The following ASXL2 variants were observed in gnomAD, a reference collection of about 807,000 sequenced individuals.
The protein encoded by ASXL2 is putative Polycomb group protein ASXL2.
In ASXL2, 23 loss-of-function variants were observed where a neutral mutation model predicts 122.0. The ratio of observed to expected loss-of-function variants is 0.19; its 90% CI spans 0.14 to 0.27. The LOEUF (loss-of-function observed/expected upper bound fraction) is 0.27, where lower values mean the gene tolerates loss of function less well. Among genes scored for constraint, ASXL2 ranks in the 10% least tolerant of loss-of-function variants. The pLI is 1.00. For missense variants in ASXL2, 1,518 were observed against 1,713.8 expected (o/e 0.89, Z 2.02); for synonymous variants, 650 against 637.0 (o/e 1.02, Z -0.31).
At chr2:25,862,600 T>C (rs1335578165) in intron 1 of ASXL2, among the ~76,000 whole-genome samples, 1 of 152,088 alleles carries the variant, frequency 6.6e-6, no homozygotes, top group East Asian at 1.9e-4. Context: ...TGTGGTTTTG[T>C]TTGTTTGTTT....
At chr2:25,827,306 T>C (rs886384611) in intron 3 of ASXL2, among the ~76,000 whole-genome samples, 2 of 152,204 alleles carry the variant, frequency 1.3e-5, no homozygotes, top group African/African-American at 2.4e-5. Context: ...AAATAGATTT[T>C]ATGGCATACT....
At chr2:25,827,178 T>A (rs1366096669) in intron 3 of ASXL2, among the ~76,000 whole-genome samples, 1 of 152,156 alleles carries the variant, frequency 6.6e-6, no homozygotes, top group African/African-American at 2.4e-5. Context: ...ATAGTCATTG[T>A]ATCTACAATC....
At chr2:25,837,784 A>G (rs2149189514) in intron 2 of ASXL2, among the ~76,000 whole-genome samples, 1 of 151,832 alleles carries the variant, frequency 6.6e-6, no homozygotes, top group Middle Eastern at 3.4e-3. Flanking sequence ...TGGGAGGTTG[A>G]GGCTGCAGTG....
intron 1 of ASXL2, among the ~76,000 whole-genome samples, chr2:25,858,205 A>T (rs1559530377): frequency 6.6e-6 from 1 of 152,194 alleles, no homozygotes; most frequent in Non-Finnish European, 1.5e-5. Context: ...ATTAGCTTAC[A>T]GATACAAACA....
chr2:25,734,565 A>G lies in ASXL2; in HGVS notation c.*7464T>C, dbSNP rs547343342. On this transcript the variant is annotated 3_prime_UTR_variant, in exon 13 of 13. Transcript: ENST00000435504. ...CATAAGCTTTGTGTAAAATAGTTCT[A>G]AAGTATCTTCAGATATTTTGGTAAC... 2.8e-4 allele frequency: 43 copies of G among 152,352 alleles called. No individual in the cohort carries two copies. Among genetic ancestry groups the G allele is most frequent in the Non-Finnish European group, 2.9e-5 (2 of 68,024 alleles). 9.4% of individuals were successfully genotyped at this position (152,352 alleles called of 1,614,324 possible).
At chr2:25,781,470 ATTCTTT>A (rs2088636293) in intron 5 of ASXL2, among the ~76,000 whole-genome samples, 1 of 151,612 alleles carries the variant, frequency 6.6e-6, no homozygotes, top group Non-Finnish European at 1.5e-5. Flanking sequence ...CCGCAAATAT[ATTCTTT>A]TTCATTATTA....
At chr2:25,755,591 T>TA (rs1292750270) in intron 10 of ASXL2, among the ~76,000 whole-genome samples, 2 of 152,232 alleles carry the variant, frequency 1.3e-5, no homozygotes, top group Non-Finnish European at 2.9e-5. Context: ...CTTTTACTGT[T>TA]AGTTTTATTG....
At chr2:25,750,954 A>G (rs975293109) in intron 11 of ASXL2, among the ~76,000 whole-genome samples, 1 of 152,204 alleles carries the variant, frequency 6.6e-6, no homozygotes, top group Non-Finnish European at 1.5e-5. Context: ...CTGGCTGTCA[A>G]TGTTCTATAG....
In ASXL2 at chr2:25,742,033, C is replaced by CGACATTACT. The variant is rs1559497173; in HGVS notation, c.4303_4304insAGTAATGTC (p.Val1434_Arg1435insGlnTer). ...GTGTATCTCTTTCTAGTCTCATTAC[C>CGACATTACT]GAACGACAAGGCAGGAGACGCACAG... On this transcript the variant is annotated stop_gained, in exon 13 of 13. Transcript: ENST00000435504. LOFTEE classifies it high-confidence loss of function. 2 of 1,610,462 alleles carry CGACATTACT rather than the reference C, an allele frequency of 1.2e-6. No individual in the cohort carries two copies.
chr2:25,742,445 C>T lies in ASXL2; in HGVS notation c.3892G>A (p.Ala1298Thr). Residue 1298 changes from alanine to threonine, a missense_variant, in exon 13 of 13, where the codon GCA becomes ACA. Ala to Thr is a moderately conservative substitution (Grantham distance 58, BLOSUM62 0). Coordinates refer to ENST00000435504, the MANE Select transcript of ASXL2 (RefSeq NM_018263.6). ...AGGGGCTGGTGGGTGGGGCTGTCTG[C>T]AGGCAGAGGAAGAACAGTAGAACTG... is the stretch of plus-strand genomic sequence containing the variant. Reference protein sequence around the residue: ...LFSSTVLPLPADSPTHQPLLL... With the variant: ...LFSSTVLPLPTDSPTHQPLLL... 6.2e-7 allele frequency: 1 copy of T among 1,611,056 alleles called. No individual in the cohort carries two copies. Among genetic ancestry groups the T allele is most frequent in the South Asian group, 1.1e-5 (1 of 90,544 alleles).
intron 9 of ASXL2, among the ~76,000 whole-genome samples, chr2:25,757,474 T>C (rs1268842384): frequency 1.0e-5 from 1 of 98,096 alleles, no homozygotes; most frequent in East Asian, 2.6e-4. Flanking sequence ...CCGTCTCTAC[T>C]AAAAAAAAAA....
chr2:25,771,222 ACT>A (rs1486692763), intron 6 of ASXL2, among the ~76,000 whole-genome samples: 1 of 152,178 alleles, frequency 6.6e-6, no homozygotes, highest in African/African-American at 2.4e-5. Context: ...GGCAACTGAG[ACT>A]CTGTCTCAGA....
intron 12 of ASXL2, among the ~76,000 whole-genome samples, chr2:25,746,749 G>A (rs1436950952): frequency 6.6e-6 from 1 of 152,120 alleles, no homozygotes; most frequent in East Asian, 1.9e-4. Flanking sequence ...AGTTACTTAC[G>A]TAAATAGCCC....
intron 5 of ASXL2, among the ~76,000 whole-genome samples, chr2:25,775,604 C>T (rs1414808510): frequency 2.6e-5 from 4 of 152,120 alleles, no homozygotes; most frequent in African/African-American, 7.2e-5. Context: ...TGCTCTTTCT[C>T]GCTTCTCTCT....
chr2:25,852,303 AG>A (rs2089725428), intron 1 of ASXL2, among the ~76,000 whole-genome samples: 1 of 152,280 alleles, frequency 6.6e-6, no homozygotes, highest in Non-Finnish European at 1.5e-5. Context: ...TTCCCAATTC[AG>A]TTAATAAAAA....
chr2:25,827,533 T>C (rs935557367), intron 3 of ASXL2, among the ~76,000 whole-genome samples: 2 of 152,224 alleles, frequency 1.3e-5, no homozygotes, highest in African/African-American at 2.4e-5. Flanking sequence ...TCCACCATGA[T>C]TGATTCATTC....
At chr2:25,851,375 A>AC (rs903197908) in intron 1 of ASXL2, among the ~76,000 whole-genome samples, 2 of 152,172 alleles carry the variant, frequency 1.3e-5, no homozygotes, top group Non-Finnish European at 2.9e-5. Context: ...TTGGCTATTC[A>AC]TTGGCTATTG....
rs2087899676 is a variant in ASXL2, at chr2:25,744,157, G to A, written c.2180C>T (p.Pro727Leu). The A allele has an allele frequency of 5.0e-6, 8 of 1,613,954 alleles. No homozygotes were observed. The highest frequency in any genetic ancestry group is 1.3e-5 in the African/African-American group (1 of 75,024). ...SDRVSETGKG[P>L]TLELAGTGSR... is the part of the protein sequence containing the mutation. ...TCCAGTTCCTGCCAGTTCCAGTGTG[G>A]GGCCCTTTCCAGTTTCACTGACTCT... The change falls in exon 13 of 13, where the codon CCC becomes CTC. Residue 727 changes from proline to leucine, a missense_variant. Transcript: ENST00000435504. The surrounding 1 kb of genome is among the most constrained non-coding windows in gnomAD (Gnocchi z 4.7).
intron 3 of ASXL2, chr2:25,823,074 T>G (rs2089330793): frequency 2.4e-6 from 1 of 420,374 alleles, no homozygotes; most frequent in Admixed American, 3.5e-5. Context: ...CTTTGACCCA[T>G]TTTTCAGCCT....
Sources: allele counts gnomAD v4.1 joint callset (sites outside exome capture counted in the v4.1 genomes callset), GRCh38; gene constraint gnomAD v4.1.1; non-coding constraint Gnocchi (gnomAD v3.1); transcripts MANE v1.5; gene names NCBI Gene and HGNC (gene_info 2026-07-23, HGNC 2026-07-21).